Variants in NAV3 observed in about 807,000 individuals in gnomAD.
The protein encoded by NAV3 is neuron navigator 3, also known as pore membrane and/or filament interacting like protein 1.
Under a neutral mutation model 244.7 loss-of-function variants are expected in NAV3, and 87 were observed. The ratio of observed to expected loss-of-function variants is 0.36; its 90% confidence interval spans 0.30 to 0.42. The LOEUF is 0.42. Ranked by LOEUF, NAV3 falls within the 20% of genes least tolerant of loss-of-function variation. The probability of loss-of-function intolerance (pLI) is 1.00; values close to 1 mark genes in which losing one functional copy is unlikely to be tolerated. For synonymous variants in NAV3, 1,126 were observed against 1,042.2 expected, an observed-to-expected ratio of 1.08 and a Z score of -1.55; for missense variants, 2,663 against 2,893.3, an observed-to-expected ratio of 0.92 and a Z score of 1.83.
At chr12:77,677,391 A>AGC (rs2137100407) in intron 2 of NAV3, among the ~76,000 whole-genome samples, 1 of 152,326 alleles carries the variant, frequency 6.6e-6, no homozygotes, top group South Asian at 2.1e-4. Context: ...GGCTCCATGG[A>AGC]TATGCTTAGA....
At chr12:77,969,811 C>T (rs1441288355) in intron 5 of NAV3, among the ~76,000 whole-genome samples, 3 of 146,252 alleles carry the variant, frequency 2.1e-5, no homozygotes, top group Non-Finnish European at 4.5e-5. Flanking sequence ...GCCTGGGTGA[C>T]AGAGCGAGAC....
In NAV3 at chr12:77,955,767, G is replaced by A. The variant is rs532198416; in HGVS notation, c.415-10462G>A. 2.6e-5 allele frequency among the ~76,000 whole-genome samples: 4 copies of A among 152,306 alleles called. No individual in the cohort carries two copies. The East Asian group carries it at 7.7e-4, about 29-fold the overall frequency. On this transcript the variant is annotated intron_variant, in intron 3 of 39. Coordinates refer to ENST00000397909, the MANE Select transcript of NAV3 (RefSeq NM_001024383.2). ...CACCTGTAGTCCTAGTTACCCAGGA[G>A]GCTGAGGCAGGAGGATCGTTTGAGC...
At chr12:78,155,434 G>A (rs1957265099) in intron 22 of NAV3, among the ~76,000 whole-genome samples, 1 of 151,974 alleles carries the variant, frequency 6.6e-6, no homozygotes, top group Non-Finnish European at 1.5e-5. Context: ...TGGCATTTGG[G>A]TTGATTTCAT....
chr12:78,106,088 A>C (rs1954787551), intron 12 of NAV3, among the ~76,000 whole-genome samples: 1 of 151,690 alleles, frequency 6.6e-6, no homozygotes, highest in African/African-American at 2.4e-5. Context: ...TTGTTGCATT[A>C]ATATATTTAA....
intron 1 of NAV3, among the ~76,000 whole-genome samples, chr12:77,899,598 C>A (rs764192568): frequency 3.3e-5 from 5 of 152,186 alleles, no homozygotes; most frequent in Non-Finnish European, 7.3e-5. Flanking sequence ...ACAAACATAA[C>A]TTTTACATGA....
chr12:77,621,740 A>G (rs1417320151), intron 2 of NAV3, among the ~76,000 whole-genome samples: 1 of 152,018 alleles, frequency 6.6e-6, no homozygotes, highest in African/African-American at 2.4e-5. Flanking sequence ...GGCCTCCCAA[A>G]GTGCTGGGAT....
intron 1 of NAV3, among the ~76,000 whole-genome samples, chr12:77,876,074 T>C (rs983641821): frequency 3.9e-5 from 6 of 152,044 alleles, no homozygotes; most frequent in African/African-American, 1.4e-4. Context: ...GTTGAAAATA[T>C]AATTAATTTA....
intron 12 of NAV3, among the ~76,000 whole-genome samples, chr12:78,099,832 A>C (rs1049707514): frequency 1.3e-5 from 2 of 151,958 alleles, no homozygotes; most frequent in Non-Finnish European, 2.9e-5. Context: ...TCTCCTTCAG[A>C]TATCATTAAA....
chr12:78,035,569 A>G (rs1011086714), intron 9 of NAV3, among the ~76,000 whole-genome samples: 1 of 152,136 alleles, frequency 6.6e-6, no homozygotes, highest in Admixed American at 6.5e-5. Context: ...GGCTTATGAA[A>G]TAGACCTGGA....
intron 1 of NAV3, among the ~76,000 whole-genome samples, chr12:77,904,402 C>A (rs1276565605): frequency 6.6e-6 from 1 of 152,080 alleles, no homozygotes; most frequent in African/African-American, 2.4e-5. Flanking sequence ...GGACAAAAAA[C>A]CAAACACCGC....
intron 2 of NAV3, among the ~76,000 whole-genome samples, chr12:77,576,268 A>G (rs1156786035): frequency 6.6e-6 from 1 of 152,006 alleles, no homozygotes; most frequent in Non-Finnish European, 1.5e-5. Context: ...CTATTATTTT[A>G]GGCTCCTGTG....
intron 2 of NAV3, among the ~76,000 whole-genome samples, chr12:77,733,417 C>T (rs1416875462): frequency 6.6e-6 from 1 of 151,876 alleles, no homozygotes; most frequent in African/African-American, 2.4e-5. Flanking sequence ...AAAATGTGCA[C>T]TAGGTACTTG....
intron 25 of NAV3, among the ~76,000 whole-genome samples, 166 bp downstream of exon 25, chr12:78,175,593 A>C (rs1287602410): frequency 2.6e-5 from 4 of 152,020 alleles, no homozygotes; most frequent in African/African-American, 9.7e-5. Context: ...GCATGTACTG[A>C]AAAGCATACA....
chr12:77,836,611 C>T (rs1225984698), intron 1 of NAV3, among the ~76,000 whole-genome samples: 1 of 151,946 alleles, frequency 6.6e-6, no homozygotes, highest in Non-Finnish European at 1.5e-5. Flanking sequence ...TAACAAAATC[C>T]AAAATTTGAA....
chr12:78,101,308 A>G (rs889963417), intron 12 of NAV3, among the ~76,000 whole-genome samples: 27 of 152,184 alleles, frequency 1.8e-4, no homozygotes, highest in African/African-American at 5.8e-4. Flanking sequence ...GGAAGAGGTA[A>G]AGTGTCCTTG....
chr12:77,794,137 G>A (rs1342274128), intron 2 of NAV3, among the ~76,000 whole-genome samples: 2 of 152,058 alleles, frequency 1.3e-5, no homozygotes, highest in African/African-American at 2.4e-5. Flanking sequence ...AGAAATGTCT[G>A]TTCATATACT....
intron 2 of NAV3, among the ~76,000 whole-genome samples, chr12:77,644,187 C>T (rs190124040): frequency 2.6e-5 from 4 of 151,976 alleles, no homozygotes; most frequent in Non-Finnish European, 2.9e-5. Flanking sequence ...TCCATGAGGT[C>T]GAACAGAGGT....
intron 2 of NAV3, among the ~76,000 whole-genome samples, chr12:77,706,165 T>C (rs1875788979): frequency 6.6e-6 from 1 of 151,306 alleles, no homozygotes; most frequent in Non-Finnish European, 1.5e-5. Context: ...TAATAAAAAG[T>C]TAATGAAATT....
chr12:78,092,641 A>G (rs958778067), intron 12 of NAV3, among the ~76,000 whole-genome samples: 3 of 151,536 alleles, frequency 2.0e-5, no homozygotes, highest in Non-Finnish European at 4.4e-5. Context: ...CTGGGACTAC[A>G]GGCGCCTGCC....
Sources: allele counts gnomAD v4.1 joint callset (sites outside exome capture counted in the v4.1 genomes callset), GRCh38; gene constraint gnomAD v4.1.1; transcripts MANE v1.5; gene names NCBI Gene and HGNC (gene_info 2026-07-23, HGNC 2026-07-21).